Variants in LRRN1 observed in about 807,000 individuals in gnomAD.
LRRN1 encodes the protein leucine rich repeat neuronal 1.
A neutral mutation model predicts 45.8 loss-of-function variants in LRRN1; 14 were observed. That is an observed-to-expected ratio of 0.31 (90% CI 0.20 to 0.48). The LOEUF (loss-of-function observed/expected upper bound fraction) is 0.48. Among genes scored for constraint, LRRN1 ranks in the 20% least tolerant of loss-of-function variants. The pLI is 0.99. For missense variants in LRRN1, 789 were observed against 874.2 expected, an observed-to-expected ratio of 0.90 and a Z score of 1.23; for synonymous variants, 359 against 330.1, an observed-to-expected ratio of 1.09 and a Z score of -0.95.
chr3:3,823,249 C>G (rs1428286141), intron 1 of LRRN1, among the ~76,000 whole-genome samples: 1 of 152,068 alleles, frequency 6.6e-6, no homozygotes, highest in Non-Finnish European at 1.5e-5. Flanking sequence ...GTACTTAGAG[C>G]ATGGGCTTTG....
intron 1 of LRRN1, among the ~76,000 whole-genome samples, chr3:3,807,727 A>T (rs1372564): frequency 1.2e-4 from 18 of 151,964 alleles, no homozygotes; most frequent in South Asian, 4.1e-4. Context: ...GAGAGTTTCC[A>T]GGACACATGT....
rs186315678 is a variant in LRRN1, at chr3:3,816,788, A to G, written c.-279+16869A>G. Among the ~76,000 whole-genome samples, 7 of 152,286 alleles carry G rather than the reference A, an allele frequency of 4.6e-5. No homozygotes were observed. Among genetic ancestry groups the G allele is most frequent in the Non-Finnish European group, 7.4e-5 (5 of 68,020 alleles). ...TCTACGTGTCTAAAAGAAGGCTGCA[A>G]TGTACTCTTGGGGTCCAATAAGACA... On this transcript the variant is annotated intron_variant, in intron 1 of 1. Transcript: ENST00000319331. This position sits in a 1 kb window ranked among gnomAD's most constrained non-coding sequence, Gnocchi z 4.0.
At chr3:3,813,782 C>A (rs939484555) in intron 1 of LRRN1, among the ~76,000 whole-genome samples, 1 of 152,082 alleles carries the variant, frequency 6.6e-6, no homozygotes, top group Non-Finnish European at 1.5e-5. Flanking sequence ...GGAGAGAGAA[C>A]GTCCTTTTGC....
chr3:3,843,004 A>G (rs1693679857), intron 1 of LRRN1, among the ~76,000 whole-genome samples: 1 of 152,254 alleles, frequency 6.6e-6, no homozygotes, highest in African/African-American at 2.4e-5. Context: ...TTTACTTGTC[A>G]TCTGACAACC....
At chr3:3,825,059 C>G (rs1693188808) in intron 1 of LRRN1, among the ~76,000 whole-genome samples, 1 of 152,228 alleles carries the variant, frequency 6.6e-6, no homozygotes, top group Non-Finnish European at 1.5e-5. Flanking sequence ...CTTTCATAGA[C>G]ACCCTTCCCG....
chr3:3,842,072 A>C (rs1039048190), intron 1 of LRRN1, among the ~76,000 whole-genome samples: 6 of 152,198 alleles, frequency 3.9e-5, no homozygotes, highest in South Asian at 2.1e-4. Flanking sequence ...CCTGTATAGC[A>C]TGTTACTATC....
At chr3:3,823,842 G>A (rs1238075504) in intron 1 of LRRN1, among the ~76,000 whole-genome samples, 2 of 152,118 alleles carry the variant, frequency 1.3e-5, no homozygotes, top group African/African-American at 4.8e-5. Context: ...TCCCAATCAA[G>A]AAGTGCTGCT....
chr3:3,838,699 G>A (rs1306718801), intron 1 of LRRN1, among the ~76,000 whole-genome samples: 3 of 152,086 alleles, frequency 2.0e-5, no homozygotes, highest in Admixed American at 2.0e-4. Context: ...GTTATTTTCT[G>A]TTGTGATAGT....
chr3:3,835,397 TCTA>T (rs1693486920), intron 1 of LRRN1, among the ~76,000 whole-genome samples: 2 of 152,210 alleles, frequency 1.3e-5, no homozygotes, highest in South Asian at 4.1e-4. Context: ...CAGTATGGTT[TCTA>T]CTAAGTGTGT....
At position 3,829,263 on chromosome 3, in the gene LRRN1, A is replaced by C. The variant is rs772605658; in HGVS notation, c.-278-15101A>C. 5.1e-4 allele frequency among the ~76,000 whole-genome samples: 78 copies of C among 152,070 alleles called. 1 individual carries two copies. The highest frequency in any genetic ancestry group is 1.2e-4 in the Non-Finnish European group (8 of 68,014). On this transcript the variant is annotated intron_variant, in intron 1 of 1. Coordinates refer to ENST00000319331, the MANE Select transcript of LRRN1 (RefSeq NM_020873.7). ...ACTCCCTTCTTAGCCTGTTGACTTA[A>C]AGGTAGAGGGAGCCCAAAGTGTCCA...
chr3:3,802,989 TTTAA>T (rs143577821), intron 1 of LRRN1, among the ~76,000 whole-genome samples: 84,926 of 149,860 alleles, frequency 0.57, 25,783 homozygotes, highest in Non-Finnish European at 0.69. Context: ...TGATAAAGTG[TTTAA>T]TTATTAGAAA....
rs762535665 is a variant in LRRN1, at chr3:3,846,726, C to A, written c.2085C>A (p.Asp695Glu). ...TCTGGGAAGGTGACAGCGAGAAAGA[C>A]AAAGATGGTTCTGCAGACACCAAGC... ...INLWEGDSEK[D>E]KDGSADTKPT... The change falls in exon 2 of 2, where the codon GAC becomes GAA. Residue 695 changes from aspartate to glutamate, a missense_variant. Coordinates refer to ENST00000319331, the MANE Select transcript of LRRN1 (RefSeq NM_020873.7). This position sits in a 1 kb window ranked among gnomAD's most constrained non-coding sequence, Gnocchi z 5.7. 6.2e-7 allele frequency: 1 copy of A among 1,613,982 alleles called. No homozygotes were observed. The highest frequency in any genetic ancestry group is 1.7e-5 in the Admixed American group (1 of 60,006).
Position 3,824,755 on chromosome 3 carries a change from T to A in LRRN1, c.-278-19609T>A, listed in dbSNP as rs189632171. ...CAAAGAACTGTAGACCCTGCCCTCGTGGCAAAGAATATGAATTTAACCTTA... is the reference window on the plus strand; with the variant it reads ...CAAAGAACTGTAGACCCTGCCCTCGAGGCAAAGAATATGAATTTAACCTTA... On this transcript the variant is annotated intron_variant, in intron 1 of 1. Transcript: ENST00000319331. Among the ~76,000 whole-genome samples, 607 of 152,318 alleles carry A rather than the reference T, an allele frequency of 4.0e-3. 5 individuals carry two copies. The highest frequency in any genetic ancestry group is 7.5e-3 in the Admixed American group (115 of 15,296).
At chr3:3,831,380 C>T (rs1693370507) in intron 1 of LRRN1, among the ~76,000 whole-genome samples, 1 of 152,244 alleles carries the variant, frequency 6.6e-6, no homozygotes, top group African/African-American at 2.4e-5. Flanking sequence ...ATTTCTCATC[C>T]TCTGGCACGC....
rs144741708 is a variant in LRRN1 at position 3,849,765 on chromosome 3, T to C, written c.*2973T>C. Among the ~76,000 whole-genome samples, 2 of 152,336 alleles carry C rather than the reference T, an allele frequency of 1.3e-5. No homozygotes were observed. Among genetic ancestry groups the C allele is most frequent in the African/African-American group, 4.8e-5 (2 of 41,586 alleles). Reference sequence around the variant, plus strand: ...CAAATGTAATGTTTGATTGTCAGTGTTTCTGATTTGGCAAAAAGGAATCAT... The same window carrying C: ...CAAATGTAATGTTTGATTGTCAGTGCTTCTGATTTGGCAAAAAGGAATCAT... On this transcript the variant is annotated 3_prime_UTR_variant, in exon 2 of 2. Transcript: ENST00000319331.
At chr3:3,840,746 T>G (rs1693634935) in intron 1 of LRRN1, among the ~76,000 whole-genome samples, 1 of 152,226 alleles carries the variant, frequency 6.6e-6, no homozygotes, top group Non-Finnish European at 1.5e-5. Flanking sequence ...TCTAACATTC[T>G]GAGTTTCCAT....
Position 3,846,093 on chromosome 3 carries a change from G to A in LRRN1, c.1452G>A (p.Leu484=). The change falls in exon 2 of 2, where the codon TTG becomes TTA. Residue 484 remains leucine (L), a synonymous_variant. Transcript: ENST00000319331. The surrounding 1 kb of genome is among the most constrained non-coding windows in gnomAD (Gnocchi z 5.7). ...ACAAGCTAAGTAGCGAAGGTACCTT[G>A]GAAATATCTAACATACAAATTGAAG... ...DKYKLSSEGT[L]EISNIQIEDS... is the part of the protein sequence containing the mutation. The A allele has an allele frequency of 6.2e-7, 1 of 1,614,056 alleles. No homozygotes were observed. The highest frequency in any genetic ancestry group is 8.5e-7 in the Non-Finnish European group (1 of 1,180,018).
At chr3:3,819,191 T>G (rs1693051531) in intron 1 of LRRN1, among the ~76,000 whole-genome samples, 1 of 152,058 alleles carries the variant, frequency 6.6e-6, no homozygotes, top group African/African-American at 2.4e-5. Context: ...TCTCGCTATG[T>G]TAGCAGGCTG....
intron 1 of LRRN1, among the ~76,000 whole-genome samples, chr3:3,813,745 T>C (rs574663237): frequency 2.2e-4 from 33 of 152,240 alleles, no homozygotes; most frequent in African/African-American, 7.9e-4. Flanking sequence ...GTTTCCAGGA[T>C]GCAGAGTGAA....
Sources: allele counts gnomAD v4.1 joint callset (sites outside exome capture counted in the v4.1 genomes callset), GRCh38; gene constraint gnomAD v4.1.1; non-coding constraint Gnocchi (gnomAD v3.1); transcripts MANE v1.5; gene names NCBI Gene and HGNC (gene_info 2026-07-23, HGNC 2026-07-21).